SUMO3: variants seen among roughly 807,000 people sequenced by gnomAD.
SUMO3 encodes small ubiquitin-related modifier 3.
A neutral mutation model predicts 11.1 loss-of-function variants in SUMO3; 2 were observed. The observed-to-expected ratio is 0.18, with a 90% CI of 0.07 to 0.57. The LOEUF is 0.57. Ranked by LOEUF, SUMO3 falls within the 20% of genes least tolerant of loss-of-function variation. The pLI, the probability that SUMO3 is intolerant of heterozygous loss-of-function variation, is 0.92. For synonymous variants in SUMO3, 56 were observed against 53.5 expected, an observed-to-expected ratio of 1.05 and a Z score of -0.20; for missense variants, 70 against 132.8, an observed-to-expected ratio of 0.53 and a Z score of 2.32.
chr21:44,807,810 T>C lies in SUMO3; in HGVS notation c.223-770A>G, dbSNP rs1339583261. Among the ~76,000 whole-genome samples, 1 of 151,936 alleles carries C rather than the reference T, an allele frequency of 6.6e-6. No individual in the cohort carries two copies. Among genetic ancestry groups the C allele is most frequent in the Admixed American group, 6.6e-5 (1 of 15,254 alleles). On this transcript the variant is annotated intron_variant, in intron 3 of 3. Transcript: ENST00000332859. This position sits in a 1 kb window ranked among gnomAD's most constrained non-coding sequence, Gnocchi z 4.3. ...GGCTCCCTCTGCCTCTCGGTCCACC[T>C]GTCCACAGCCAGCCCCCTGACCCCC... is the stretch of plus-strand genomic sequence containing the variant.
At chr21:44,813,697 T>G (rs1279020857) in intron 2 of SUMO3, 37 of 918,508 alleles carry the variant, frequency 4.0e-5, no homozygotes, top group Non-Finnish European at 5.4e-5. Flanking sequence ...TAGTACCCCA[T>G]GGAGAACACA....
Position 44,813,937 on chromosome 21 carries a change from G to A in SUMO3, c.150+39C>T, listed in dbSNP as rs141060298. 1,375 of 1,604,380 alleles carry A rather than the reference G, an allele frequency of 8.6e-4. 7 individuals are homozygous for A. The African/African-American group carries it at 0.016, about 19-fold the overall frequency. The stretch of plus-strand genomic sequence containing the variant: ...TGCCTGGAACGCACAGGACCAGTGC[G>A]CACACGGGGAGGCTCTGCGGGGGAG... On this transcript the variant is annotated intron_variant, in intron 2 of 3. Coordinates refer to ENST00000332859, the MANE Select transcript of SUMO3 (RefSeq NM_006936.3).
intron 3 of SUMO3, chr21:44,808,469 T>A: frequency 7.0e-7 from 1 of 1,436,174 alleles, no homozygotes; most frequent in Non-Finnish European, 9.2e-7. Flanking sequence ...GAGCTGAGAC[T>A]GCGCCACTGC....
At chr21:44,815,819 A>G (rs2083240740) in intron 1 of SUMO3, among the ~76,000 whole-genome samples, 1 of 127,320 alleles carries the variant, frequency 7.9e-6, no homozygotes, top group Admixed American at 7.7e-5. Context: ...TCTGTCCCAG[A>G]CCCCTGGTGA....
intron 1 of SUMO3, among the ~76,000 whole-genome samples, chr21:44,817,205 TGGGGAGGGGTGGGCGCACAC>T (rs2083250576): frequency 3.1e-5 from 1 of 32,608 alleles, no homozygotes; most frequent in Non-Finnish European, 5.3e-5. Context: ...GGGGGCGCGA[TGGGGAGGGGTGGGCGCACAC>T]CGGGGGACGC....
intron 2 of SUMO3, among the ~76,000 whole-genome samples, chr21:44,813,159 A>G (rs2083222480): frequency 6.6e-6 from 1 of 152,202 alleles, no homozygotes; most frequent in Non-Finnish European, 1.5e-5. Context: ...CAGGCAAAAG[A>G]GTAAAATAAA....
intron 1 of SUMO3, 102 bp downstream of exon 1, chr21:44,817,846 G>A (rs1364784368): frequency 0.019 from 2 of 104 alleles, no homozygotes; most frequent in Non-Finnish European, 0.037. Context: ...GGCGGAGCCT[G>A]TCAGGGGCGG....
In SUMO3 at chr21:44,812,053, CTTTTTTT is replaced by C. The variant is rs386394862; in HGVS notation, c.150+1916_150+1922del. On this transcript the variant is annotated intron_variant, in intron 2 of 3. Coordinates refer to ENST00000332859, the MANE Select transcript of SUMO3 (RefSeq NM_006936.3). The stretch of plus-strand genomic sequence containing the variant: ...AATCAGAATCCACTGAACTTCTCAC[CTTTTTTT>C]TTTTTTTTTTTTTTTTGAGACAGGG... Among the ~76,000 whole-genome samples, 358 of 81,004 alleles carry C rather than the reference CTTTTTTT, an allele frequency of 4.4e-3. 6 individuals carry two copies. Among genetic ancestry groups the C allele is most frequent in the African/African-American group, 0.015 (336 of 22,090 alleles). The allele number at this position is 81,004 out of a possible 152,430, so 53.1% of individuals were successfully genotyped here.
rs2146418661 is a variant in SUMO3 at position 44,807,125 on chromosome 21, T to C, written c.223-85A>G. 2 of 1,526,506 alleles carry C rather than the reference T, an allele frequency of 1.3e-6. No homozygotes were observed. Among genetic ancestry groups the C allele is most frequent in the Non-Finnish European group, 1.8e-6 (2 of 1,122,042 alleles). 94.6% of individuals were successfully genotyped at this position (1,526,506 alleles called of 1,614,324 possible). On this transcript the variant is annotated intron_variant, in intron 3 of 3. Transcript: ENST00000332859. The surrounding 1 kb of genome is among the most constrained non-coding windows in gnomAD (Gnocchi z 4.3). ...GAGAGTGGGAAGATCCTCACTGGCA[T>C]GAGTGTTCCCTGACACTAGCGACAT...
At chr21:44,816,988 G>A (rs2083248327) in intron 1 of SUMO3, among the ~76,000 whole-genome samples, 1 of 134,314 alleles carries the variant, frequency 7.4e-6, no homozygotes, top group African/African-American at 2.9e-5. Flanking sequence ...GGGACGCGAT[G>A]GATAGGGGTG....
intron 2 of SUMO3, chr21:44,813,756 C>T: frequency 7.0e-7 from 1 of 1,434,976 alleles, no homozygotes; most frequent in East Asian, 2.5e-5. Context: ...CCACACTTCT[C>T]CGAGCCTCTA....
At chr21:44,814,374 G>A (rs1488744302) in intron 1 of SUMO3, among the ~76,000 whole-genome samples, 1 of 152,132 alleles carries the variant, frequency 6.6e-6, no homozygotes, top group Non-Finnish European at 1.5e-5. Context: ...CAAAGTCTAG[G>A]GAAAAATAAG....
Position 44,807,387 on chromosome 21 carries a change from C to T in SUMO3, c.223-347G>A, listed in dbSNP as rs1024777629. On this transcript the variant is annotated intron_variant, in intron 3 of 3. Coordinates refer to ENST00000332859, the MANE Select transcript of SUMO3 (RefSeq NM_006936.3). The surrounding 1 kb of genome is among the most constrained non-coding windows in gnomAD (Gnocchi z 4.3). ...CACAAAATCAGATTCTAATTAAGAA[C>T]ATCTGATTAGCAGCACTGAGTCCTA... Among the ~76,000 whole-genome samples the T allele has an allele frequency of 1.3e-5, 2 of 152,182 alleles. No individual in the cohort carries two copies. Among genetic ancestry groups the T allele is most frequent in the African/African-American group, 4.8e-5 (2 of 41,422 alleles).
Position 44,811,963 on chromosome 21 carries a change from C to T in SUMO3, c.150+2013G>A, listed in dbSNP as rs1022767871. ...CACCTCTGAGGCACATAAGGAAACA[C>T]TGAATGCCAGAATATGGTCCCAGAT... On this transcript the variant is annotated intron_variant, in intron 2 of 3. Coordinates refer to ENST00000332859, the MANE Select transcript of SUMO3 (RefSeq NM_006936.3). This position sits in a 1 kb window ranked among gnomAD's most constrained non-coding sequence, Gnocchi z 5.0. 6.6e-6 allele frequency among the ~76,000 whole-genome samples: 1 copy of T among 151,274 alleles called. No homozygotes were observed. The highest frequency in any genetic ancestry group is 1.5e-5 in the Non-Finnish European group (1 of 67,900).
At chr21:44,813,757 C>T (rs2083227030) in intron 2 of SUMO3, 44 of 1,435,264 alleles carry the variant, frequency 3.1e-5, no homozygotes, top group Non-Finnish European at 3.8e-5. Context: ...CACACTTCTC[C>T]GAGCCTCTAG....
intron 2 of SUMO3, among the ~76,000 whole-genome samples, chr21:44,813,198 C>T (rs1424908124): frequency 6.6e-6 from 1 of 152,174 alleles, no homozygotes; most frequent in Non-Finnish European, 1.5e-5. Flanking sequence ...ATTTTCAAAG[C>T]GGCTGAAGAA....
At chr21:44,817,314 G>C (rs971560015) in intron 1 of SUMO3, among the ~76,000 whole-genome samples, 1 of 148,698 alleles carries the variant, frequency 6.7e-6, no homozygotes, top group African/African-American at 2.5e-5. Flanking sequence ...GAGACACGAA[G>C]GAGAGGGGTG....
chr21:44,815,357 G>A (rs560079719), intron 1 of SUMO3, among the ~76,000 whole-genome samples: 12 of 152,310 alleles, frequency 7.9e-5, no homozygotes, highest in East Asian at 1.9e-4. Flanking sequence ...GGCCTTGGCA[G>A]TGAGGGGCTC....
rs1601212854 is a variant in SUMO3, at chr21:44,810,276, G to C, written c.151-1158C>G. 6.6e-6 allele frequency among the ~76,000 whole-genome samples: 1 copy of C among 152,334 alleles called. No homozygotes were observed. The highest frequency in any genetic ancestry group is 1.5e-5 in the Non-Finnish European group (1 of 68,034). ...ACAAAGAAAACGGGAGTGGGGATGG[G>C]CAGATATGTCAATGCTGGGCTGAGC... On this transcript the variant is annotated intron_variant, in intron 2 of 3. Transcript: ENST00000332859. This position sits in a 1 kb window ranked among gnomAD's most constrained non-coding sequence, Gnocchi z 4.1.
Sources: gnomAD v4.1 joint callset for allele counts (sites outside exome capture counted in the v4.1 genomes callset) on GRCh38, gnomAD v4.1.1 for gene constraint, Gnocchi (gnomAD v3.1) non-coding constraint, MANE v1.5 for transcripts, NCBI Gene and HGNC (gene_info 2026-07-23, HGNC 2026-07-21) for gene names.